The following KIAA0319L variants were observed in gnomAD, a reference collection of about 807,000 sequenced individuals.
KIAA0319L encodes KIAA0319 like.
A neutral mutation model predicts 120.1 loss-of-function variants in KIAA0319L; 55 were observed. That is an observed-to-expected ratio of 0.46 (90% CI 0.37 to 0.57). The LOEUF is 0.57. KIAA0319L is among the 20% of genes least tolerant of loss of function. The pLI, the probability that KIAA0319L is intolerant of heterozygous loss-of-function variation, is 0.00. For synonymous variants in KIAA0319L, 398 were observed against 471.9 expected (o/e 0.84, Z 2.03); for missense variants, 1,049 against 1,255.3 (o/e 0.84, Z 2.48).
intron 6 of KIAA0319L, among the ~76,000 whole-genome samples, chr1:35,467,401 C>CT (rs1643341843): frequency 6.6e-6 from 1 of 151,680 alleles, no homozygotes; most frequent in South Asian, 2.1e-4. Flanking sequence ...TATCATAACA[C>CT]ATCAACTCAT....
At chr1:35,542,160 C>T (rs1475890590) in intron 2 of KIAA0319L, among the ~76,000 whole-genome samples, 1 of 152,212 alleles carries the variant, frequency 6.6e-6, no homozygotes. Flanking sequence ...TAAACTTTTA[C>T]GTTATTGCTA....
intron 5 of KIAA0319L, among the ~76,000 whole-genome samples, chr1:35,473,805 G>A (rs1012568325): frequency 1.8e-4 from 28 of 152,154 alleles, no homozygotes; most frequent in Non-Finnish European, 3.7e-4. Flanking sequence ...TAAAATGGAA[G>A]GACCCCATCC....
intron 2 of KIAA0319L, among the ~76,000 whole-genome samples, chr1:35,553,935 C>T (rs1647550462): frequency 1.3e-5 from 2 of 152,196 alleles, no homozygotes. Context: ...AAGCTCAAGA[C>T]CAGCCTGGGC....
chr1:35,462,471 C>G (rs768785397), intron 8 of KIAA0319L, 150 bp downstream of exon 8: 11 of 587,370 alleles, frequency 1.9e-5, no homozygotes, highest in Admixed American at 5.9e-5. Flanking sequence ...CAGTCAGTTG[C>G]TTCAGATGGT....
intron 3 of KIAA0319L, among the ~76,000 whole-genome samples, chr1:35,501,225 C>A (rs561784308): frequency 1.3e-5 from 2 of 152,176 alleles, no homozygotes; most frequent in African/African-American, 4.8e-5. Flanking sequence ...CCAGCATACA[C>A]CTGAATTCTG....
At chr1:35,510,397 GAGA>G (rs1231367281) in intron 2 of KIAA0319L, 8 of 79,908 alleles carry the variant, frequency 1.0e-4, no homozygotes, top group African/African-American at 2.8e-4. Flanking sequence ...TTTTTTTTTT[GAGA>G]AGGAGTCTCA....
chr1:35,529,154 T>C (rs1456260933), intron 2 of KIAA0319L, among the ~76,000 whole-genome samples: 1 of 152,206 alleles, frequency 6.6e-6, no homozygotes, highest in Non-Finnish European at 1.5e-5. Flanking sequence ...CCTTCCCACC[T>C]TGGCCTCCTG....
chr1:35,454,951 C>G (rs944976989), intron 10 of KIAA0319L, among the ~76,000 whole-genome samples: 4 of 152,228 alleles, frequency 2.6e-5, no homozygotes, highest in Non-Finnish European at 5.9e-5. Context: ...ACCATACTGT[C>G]TCCTTCAGGT....
At chr1:35,487,020 A>G (rs1644415104) in intron 3 of KIAA0319L, among the ~76,000 whole-genome samples, 1 of 152,184 alleles carries the variant, frequency 6.6e-6, no homozygotes, top group African/African-American at 2.4e-5. Context: ...GCCACCTTCT[A>G]TTGACTGCCT....
At position 35,489,035 on chromosome 1, in the gene KIAA0319L, A is replaced by G. The variant is rs543910646; in HGVS notation, c.667-9823T>C. Among the ~76,000 whole-genome samples the G allele has an allele frequency of 5.3e-5, 8 of 152,352 alleles. No homozygotes were observed. The East Asian group carries it at 1.4e-3, about 26-fold the overall frequency. On this transcript the variant is annotated intron_variant, in intron 3 of 20. Coordinates refer to ENST00000325722, the MANE Select transcript of KIAA0319L (RefSeq NM_024874.5). Reference sequence around the variant, plus strand: ...TATTTGCAAGTATCAAGTTTGAACAATGAGCATCAAGTTCTGAGACTGAAA... The same window carrying G: ...TATTTGCAAGTATCAAGTTTGAACAGTGAGCATCAAGTTCTGAGACTGAAA...
At chr1:35,512,324 T>A in intron 2 of KIAA0319L, among the ~76,000 whole-genome samples, 1 of 33,300 alleles carries the variant, frequency 3.0e-5, no homozygotes. Context: ...AAAGCCAAAC[T>A]TTGACCAAAA....
intron 3 of KIAA0319L, among the ~76,000 whole-genome samples, chr1:35,496,717 G>C (rs1644818991): frequency 6.6e-6 from 1 of 152,044 alleles, no homozygotes; most frequent in South Asian, 2.1e-4. Flanking sequence ...GCCAAGGTGG[G>C]CAGATCACCT....
intron 7 of KIAA0319L, among the ~76,000 whole-genome samples, chr1:35,463,063 G>A (rs1643009124): frequency 1.3e-5 from 2 of 152,162 alleles, no homozygotes; most frequent in South Asian, 4.1e-4. Flanking sequence ...CAGAGCTCAG[G>A]CAGTAGTGCT....
intron 5 of KIAA0319L, among the ~76,000 whole-genome samples, chr1:35,474,596 A>G (rs983153232): frequency 6.6e-6 from 1 of 152,222 alleles, no homozygotes. Context: ...TAACTTAAAA[A>G]AAATACATTT....
chr1:35,525,567 T>C (rs575586579), intron 2 of KIAA0319L, among the ~76,000 whole-genome samples: 11 of 152,286 alleles, frequency 7.2e-5, no homozygotes, highest in African/African-American at 2.4e-4. Flanking sequence ...TGATATCTCA[T>C]TGTGGTTTTG....
At chr1:35,500,391 G>A (rs1389062544) in intron 3 of KIAA0319L, among the ~76,000 whole-genome samples, 1 of 152,128 alleles carries the variant, frequency 6.6e-6, no homozygotes, top group Admixed American at 6.5e-5. Flanking sequence ...TACAGAAAGG[G>A]TGCAATACTT....
intron 20 of KIAA0319L, among the ~76,000 whole-genome samples, chr1:35,436,856 T>TC (rs1394958061): frequency 6.6e-6 from 1 of 151,790 alleles, no homozygotes; most frequent in African/African-American, 2.4e-5. Context: ...ACATCCTCTT[T>TC]CCCCCCAACG....
chr1:35,451,816 T>G, intron 12 of KIAA0319L, 40 bp from the exon 13 acceptor site: 6 of 1,608,860 alleles, frequency 3.7e-6, no homozygotes, highest in Non-Finnish European at 5.1e-6. Flanking sequence ...TGTACCTGTC[T>G]GCTGCTGTCC....
chr1:35,504,404 T>G (rs1203145), intron 3 of KIAA0319L, among the ~76,000 whole-genome samples: 59,162 of 151,968 alleles, frequency 0.39, 14,808 homozygotes, highest in East Asian at 0.8. Flanking sequence ...CACCGTGTTA[T>G]CCAGAATGGT....
Sources: gnomAD v4.1 joint callset for allele counts (sites outside exome capture counted in the v4.1 genomes callset) on GRCh38, gnomAD v4.1.1 for gene constraint, MANE v1.5 for transcripts, NCBI Gene and HGNC (gene_info 2026-07-23, HGNC 2026-07-21) for gene names.